The following LRP1B variants were observed in gnomAD, a reference collection of about 807,000 sequenced individuals.
The protein encoded by LRP1B is low-density lipoprotein receptor-related protein 1B.
Under a neutral mutation model 556.6 loss-of-function variants are expected in LRP1B, and 217 were observed. That is an observed-to-expected ratio of 0.39 (90% CI 0.35 to 0.44). The LOEUF (loss-of-function observed/expected upper bound fraction) is 0.44. Ranked by LOEUF, LRP1B falls within the 20% of genes least tolerant of loss-of-function variation. The pLI is 1.00. For missense variants in LRP1B, 5,053 were observed against 5,620.8 expected (o/e 0.90, Z 3.23); for synonymous variants, 2,047 against 1,865.8 (o/e 1.10, Z -2.50).
intron 3 of LRP1B, among the ~76,000 whole-genome samples, chr2:141,354,540 T>C (rs1688556178): frequency 6.6e-6 from 1 of 152,110 alleles, no homozygotes. Context: ...CACCTCAATG[T>C]ACTGGAATAT....
At chr2:141,997,774 C>T (rs1266084354) in intron 1 of LRP1B, among the ~76,000 whole-genome samples, 1 of 151,870 alleles carries the variant, frequency 6.6e-6, no homozygotes, top group Non-Finnish European at 1.5e-5. Flanking sequence ...CTGCCTGTCT[C>T]TCCTTTCTCT....
At chr2:142,074,628 T>C (rs1470507205) in intron 1 of LRP1B, among the ~76,000 whole-genome samples, 3 of 152,062 alleles carry the variant, frequency 2.0e-5, no homozygotes, top group African/African-American at 7.2e-5. Context: ...TTGCCTCTAC[T>C]GGCTCTGCCT....
intron 1 of LRP1B, among the ~76,000 whole-genome samples, chr2:142,117,937 C>CA (rs1707329979): frequency 6.6e-6 from 1 of 152,088 alleles, no homozygotes; most frequent in Admixed American, 6.6e-5. Flanking sequence ...AAAGATCAGT[C>CA]AAATATGTCT....
intron 2 of LRP1B, among the ~76,000 whole-genome samples, chr2:141,661,192 G>A (rs560221873): frequency 1.2e-4 from 19 of 152,234 alleles, no homozygotes; most frequent in Non-Finnish European, 2.2e-4. Flanking sequence ...CTCAAAGATC[G>A]AAGCTAGATA....
At chr2:140,696,288 C>T (rs1686427351) in intron 41 of LRP1B, among the ~76,000 whole-genome samples, 1 of 151,966 alleles carries the variant, frequency 6.6e-6, no homozygotes, top group African/African-American at 2.4e-5. Flanking sequence ...GCAAGTTAAA[C>T]TATACATTCA....
At chr2:140,683,919 C>T (rs1459130203) in intron 41 of LRP1B, 3 of 467,000 alleles carry the variant, frequency 6.4e-6, no homozygotes, top group African/African-American at 2.0e-5. Context: ...CCGCGGCTTG[C>T]CCCCCTGGAT....
chr2:140,524,248 A>C (rs1574038714), intron 49 of LRP1B, among the ~76,000 whole-genome samples: 1 of 152,174 alleles, frequency 6.6e-6, no homozygotes, highest in Non-Finnish European at 1.5e-5. Context: ...TAATCATGAG[A>C]GAAATGCAAA....
chr2:141,149,648 G>A (rs1301325340), intron 7 of LRP1B, among the ~76,000 whole-genome samples: 1 of 152,050 alleles, frequency 6.6e-6, no homozygotes, highest in Non-Finnish European at 1.5e-5. Context: ...AAACTACCAA[G>A]GAAGAAGGAG....
At chr2:140,727,522 G>A (rs1319577578) in intron 35 of LRP1B, among the ~76,000 whole-genome samples, 1 of 152,162 alleles carries the variant, frequency 6.6e-6, no homozygotes, top group African/African-American at 2.4e-5. Flanking sequence ...ACTTCATGGA[G>A]GAAGTGAAGC....
chr2:140,448,910 A>G (rs1686776017), intron 63 of LRP1B, among the ~76,000 whole-genome samples: 1 of 152,128 alleles, frequency 6.6e-6, no homozygotes. Flanking sequence ...TTTAGATATT[A>G]GTATTTAACC....
intron 41 of LRP1B, among the ~76,000 whole-genome samples, chr2:140,655,226 T>C (rs1684836775): frequency 6.6e-6 from 1 of 152,178 alleles, no homozygotes; most frequent in South Asian, 2.1e-4. Context: ...ACAAGCTTTT[T>C]AAAAATTTAT....
intron 2 of LRP1B, among the ~76,000 whole-genome samples, chr2:141,625,461 C>T (rs1472880270): frequency 1.3e-5 from 2 of 152,156 alleles, no homozygotes; most frequent in Non-Finnish European, 2.9e-5. Context: ...CTACTCCGTA[C>T]ATTTTTTTCT....
intron 41 of LRP1B, among the ~76,000 whole-genome samples, chr2:140,631,917 C>T (rs57884791): frequency 3.8e-4 from 58 of 152,160 alleles, no homozygotes; most frequent in African/African-American, 1.4e-3. Flanking sequence ...CAAAATAATT[C>T]CTCACCTATA....
At chr2:140,941,739 T>C (rs1043599745) in intron 20 of LRP1B, among the ~76,000 whole-genome samples, 1 of 152,022 alleles carries the variant, frequency 6.6e-6, no homozygotes, top group African/African-American at 2.4e-5. Flanking sequence ...ATACACAACA[T>C]ACATGTAAGT....
In LRP1B at chr2:142,053,252, C is replaced by T. The variant is rs190916410; in HGVS notation, c.82+77396G>A. Among the ~76,000 whole-genome samples the T allele has an allele frequency of 2.4e-4, 36 of 152,186 alleles. 1 individual carries two copies. Among genetic ancestry groups the T allele is most frequent in the East Asian group, 5.8e-4 (3 of 5,174 alleles). On this transcript the variant is annotated intron_variant, in intron 1 of 90. Coordinates refer to ENST00000389484, the MANE Select transcript of LRP1B (RefSeq NM_018557.3). ...TAATATAGAAAATAGTTAAATTCAACGTTACTATAGCAATTTAGCTATTTT... is the reference window on the plus strand; with the variant it reads ...TAATATAGAAAATAGTTAAATTCAATGTTACTATAGCAATTTAGCTATTTT...
intron 3 of LRP1B, among the ~76,000 whole-genome samples, chr2:141,390,028 C>T (rs1273885331): frequency 6.6e-6 from 1 of 152,124 alleles, no homozygotes; most frequent in East Asian, 1.9e-4. Flanking sequence ...ATCCCAGCTA[C>T]TCAGGGGGCT....
chr2:140,457,365 A>G, intron 61 of LRP1B, 98 bp downstream of exon 61: 3 of 977,158 alleles, frequency 3.1e-6, no homozygotes, highest in Non-Finnish European at 4.6e-6. Flanking sequence ...AGTAATCTTC[A>G]TCAAAAATAA....
intron 3 of LRP1B, among the ~76,000 whole-genome samples, chr2:141,472,130 A>G (rs1559090039): frequency 6.6e-6 from 1 of 152,240 alleles, no homozygotes; most frequent in African/African-American, 2.4e-5. Flanking sequence ...AGTTGTTTGC[A>G]CCAAGGGGTA....
chr2:140,285,107 A>C (rs2104973827), intron 84 of LRP1B, among the ~76,000 whole-genome samples: 1 of 149,840 alleles, frequency 6.7e-6, no homozygotes, highest in Non-Finnish European at 1.5e-5. Context: ...CTCTCTATAT[A>C]TATATGTGTG....
Sources: gnomAD v4.1 joint callset for allele counts (sites outside exome capture counted in the v4.1 genomes callset) on GRCh38, gnomAD v4.1.1 for gene constraint, MANE v1.5 for transcripts, NCBI Gene and HGNC (gene_info 2026-07-23, HGNC 2026-07-21) for gene names.